GPM6A: variants seen among roughly 807,000 people sequenced by gnomAD.
The protein encoded by GPM6A is glycoprotein M6A.
Under a neutral mutation model 32.1 loss-of-function variants are expected in GPM6A, and 7 were observed. The ratio of observed to expected loss-of-function variants is 0.22; its 90% CI spans 0.12 to 0.41. The LOEUF is 0.41. GPM6A is among the 10% of genes least tolerant of loss of function. The pLI, the probability that GPM6A is intolerant of heterozygous loss-of-function variation, is 1.00. For missense variants in GPM6A, 235 were observed against 347.2 expected (o/e 0.68, Z 2.57); for synonymous variants, 130 against 123.4 (o/e 1.05, Z -0.35).
At chr4:175,777,158 T>C (rs1435186212) in intron 1 of GPM6A, among the ~76,000 whole-genome samples, 1 of 152,154 alleles carries the variant, frequency 6.6e-6, no homozygotes, top group Non-Finnish European at 1.5e-5. Flanking sequence ...CAAACGTACA[T>C]AGGCTTTGGA....
At chr4:175,884,610 C>A (rs1166945909) in intron 1 of GPM6A, among the ~76,000 whole-genome samples, 1 of 152,098 alleles carries the variant, frequency 6.6e-6, no homozygotes, top group Non-Finnish European at 1.5e-5. Context: ...CAGCTCACTG[C>A]AAGCTCCACC....
Position 175,932,071 on chromosome 4 carries a change from C to T in GPM6A, c.-23+70238G>A, listed in dbSNP as rs555311018. On this transcript the variant is annotated intron_variant, in intron 1 of 7. Coordinates refer to the GPM6A transcript ENST00000280187. ...GATTGTGCCACTGCACTCCAGCCTG[C>T]GAGCCAGAGTGAGATCTTGCCTCTA... Among the ~76,000 whole-genome samples, 19 of 141,030 alleles carry T rather than the reference C, an allele frequency of 1.3e-4. No homozygotes were observed. The East Asian group carries it at 2.4e-3, about 18-fold the overall frequency. The allele number at this position is 141,030 out of a possible 152,430, so 92.5% of individuals were successfully genotyped here.
At chr4:175,645,912 C>A (rs1408238503) in intron 4 of GPM6A, among the ~76,000 whole-genome samples, 1 of 152,094 alleles carries the variant, frequency 6.6e-6, no homozygotes, top group Non-Finnish European at 1.5e-5. Context: ...ACCAGCATGT[C>A]CTTTTGCAGA....
chr4:175,992,072 A>G (rs1741166909), intron 1 of GPM6A, among the ~76,000 whole-genome samples: 2 of 151,862 alleles, frequency 1.3e-5, no homozygotes, highest in South Asian at 2.1e-4. Context: ...ACACACACAC[A>G]CACACACACA....
At chr4:175,661,417 AGAGTGAGACTCT>A (rs1742405858) in intron 3 of GPM6A, among the ~76,000 whole-genome samples, 1 of 140,068 alleles carries the variant, frequency 7.1e-6, no homozygotes, top group Non-Finnish European at 1.6e-5. Context: ...CCTGGATGAC[AGAGTGAGACTCT>A]GTCTCAAAAA....
At chr4:175,833,239 C>G (rs1371921988) in intron 1 of GPM6A, among the ~76,000 whole-genome samples, 1 of 151,914 alleles carries the variant, frequency 6.6e-6, no homozygotes, top group South Asian at 2.1e-4. Flanking sequence ...TGGGGGTGGG[C>G]GGGCTAAAGA....
At chr4:175,693,926 A>AAGTG (rs1205254034) in intron 2 of GPM6A, among the ~76,000 whole-genome samples, 1 of 152,270 alleles carries the variant, frequency 6.6e-6, no homozygotes, top group East Asian at 1.9e-4. Flanking sequence ...ATTCTTGTGA[A>AAGTG]AGTGAGTGAG....
intron 1 of GPM6A, among the ~76,000 whole-genome samples, chr4:175,930,866 A>G (rs1739017505): frequency 6.6e-6 from 1 of 152,144 alleles, no homozygotes; most frequent in Admixed American, 6.5e-5. Context: ...ACTATGTGGC[A>G]CTATGTATGA....
At chr4:175,817,810 T>C (rs1392580103) in intron 1 of GPM6A, among the ~76,000 whole-genome samples, 1 of 152,236 alleles carries the variant, frequency 6.6e-6, no homozygotes, top group African/African-American at 2.4e-5. Context: ...TTATTAGACA[T>C]TGTACCCCCC....
At chr4:175,735,392 G>A (rs1304578003) in intron 1 of GPM6A, among the ~76,000 whole-genome samples, 2 of 152,112 alleles carry the variant, frequency 1.3e-5, no homozygotes, top group Non-Finnish European at 2.9e-5. Context: ...GTTATTAAGT[G>A]GTCCATTCTT....
chr4:175,889,590 T>A (rs933297573), intron 1 of GPM6A, among the ~76,000 whole-genome samples: 4 of 146,808 alleles, frequency 2.7e-5, no homozygotes, highest in Non-Finnish European at 4.5e-5. Flanking sequence ...CCGAGGCGGG[T>A]GGATCACAAC....
At chr4:175,637,674 A>AC (rs1491248017) in intron 6 of GPM6A, among the ~76,000 whole-genome samples, 1 of 5,326 alleles carries the variant, frequency 1.9e-4, no homozygotes, top group African/African-American at 2.6e-4. Flanking sequence ...TAATATATAT[A>AC]ATATATATAT....
chr4:175,746,777 GGA>G (rs1732120694), intron 1 of GPM6A, among the ~76,000 whole-genome samples: 1 of 152,040 alleles, frequency 6.6e-6, no homozygotes, highest in African/African-American at 2.4e-5. Context: ...CTAGACATAA[GGA>G]GAGTTCGGGC....
chr4:175,978,855 G>A (rs1007924052), intron 1 of GPM6A, among the ~76,000 whole-genome samples: 6 of 151,976 alleles, frequency 3.9e-5, no homozygotes, highest in Non-Finnish European at 7.4e-5. Flanking sequence ...GTTAAGAACC[G>A]CTGCTAATCG....
intron 1 of GPM6A, among the ~76,000 whole-genome samples, chr4:175,976,293 G>A (rs1740658098): frequency 6.6e-6 from 1 of 150,564 alleles, no homozygotes; most frequent in Non-Finnish European, 1.5e-5. Flanking sequence ...CTCCCAAGTA[G>A]CTGGGCTGCA....
intron 1 of GPM6A, among the ~76,000 whole-genome samples, chr4:175,747,860 C>A (rs2111181403): frequency 6.6e-6 from 1 of 152,278 alleles, no homozygotes; most frequent in South Asian, 2.1e-4. Context: ...TGTTTGATAG[C>A]ATTTTACCCA....
chr4:175,772,940 G>A (rs1246815083), intron 1 of GPM6A, among the ~76,000 whole-genome samples: 1 of 152,046 alleles, frequency 6.6e-6, no homozygotes, highest in Non-Finnish European at 1.5e-5. Flanking sequence ...GGACCCCCTT[G>A]GTCAATAATT....
chr4:175,812,284 T>A, upstream of GPM6A: 1 of 1,318,250 alleles, frequency 7.6e-7, no homozygotes, highest in Non-Finnish European at 9.9e-7. Flanking sequence ...CTCAATTAGA[T>A]GTTGGAAAAA....
chr4:175,721,044 A>AG (rs1746095959), intron 1 of GPM6A, among the ~76,000 whole-genome samples: 1 of 33,070 alleles, frequency 3.0e-5, no homozygotes, highest in Non-Finnish European at 8.3e-5. Flanking sequence ...TATATATTAT[A>AG]TATATATATG....
Sources: gnomAD v4.1 joint callset for allele counts (sites outside exome capture counted in the v4.1 genomes callset) on GRCh38, gnomAD v4.1.1 for gene constraint, MANE v1.5 for transcripts, NCBI Gene and HGNC (gene_info 2026-07-23, HGNC 2026-07-21) for gene names.